Variants in PAPSS2 observed in about 807,000 individuals in gnomAD.
PAPSS2 encodes the protein 3'-phosphoadenosine 5'-phosphosulfate synthase 2.
In PAPSS2, 61 loss-of-function variants were observed where a neutral mutation model predicts 66.5. The observed-to-expected ratio is 0.92, with a 90% confidence interval of 0.75 to 1.14. The LOEUF (loss-of-function observed/expected upper bound fraction) is 1.14, where lower values mean the gene tolerates loss of function less well. Among genes scored for constraint, PAPSS2 ranks in the 50% most tolerant of loss-of-function variants. The pLI is 0.00. For synonymous variants in PAPSS2, 289 were observed against 287.5 expected (o/e 1.01, Z -0.05); for missense variants, 708 against 789.6 (o/e 0.90, Z 1.24).
intron 1 of PAPSS2, among the ~76,000 whole-genome samples, chr10:87,679,196 G>A (rs755163063): frequency 1.3e-4 from 20 of 152,234 alleles, no homozygotes; most frequent in Admixed American, 4.6e-4. Context: ...CAAACATTGC[G>A]TGTTTTCACT....
chr10:87,730,684 A>G (rs761218727), intron 9 of PAPSS2, among the ~76,000 whole-genome samples: 1 of 152,132 alleles, frequency 6.6e-6, no homozygotes, highest in South Asian at 2.1e-4. Context: ...TTTGGGGTAA[A>G]ATATTTTGGT....
chr10:87,701,386 TTC>T (rs1853312001), intron 1 of PAPSS2, among the ~76,000 whole-genome samples: 2 of 65,276 alleles, frequency 3.1e-5, no homozygotes, highest in African/African-American at 1.6e-4. Context: ...CTTTCTTTCT[TTC>T]TTTCTTTCTC....
At chr10:87,665,596 C>T (rs539200528) in intron 1 of PAPSS2, among the ~76,000 whole-genome samples, 1 of 152,300 alleles carries the variant, frequency 6.6e-6, no homozygotes, top group Admixed American at 6.5e-5. Context: ...ATACAACTTC[C>T]CAGGGACCAC....
At chr10:87,678,925 G>C (rs536820373) in intron 1 of PAPSS2, among the ~76,000 whole-genome samples, 9 of 152,222 alleles carry the variant, frequency 5.9e-5, no homozygotes, top group South Asian at 2.1e-4. Flanking sequence ...GTTCCACTAC[G>C]GGTATCTATT....
chr10:87,745,176 C>T lies in PAPSS2; in HGVS notation c.1666C>T (p.Arg556Ter), dbSNP rs138386772. The T allele has an allele frequency of 1.1e-5, 17 of 1,614,042 alleles. No homozygotes were observed. The highest frequency in any genetic ancestry group is 5.3e-5 in the African/African-American group (4 of 75,046). The part of the protein sequence containing the change: ...GLTSVEIIPF[R>*]VAAYNKAKKA... ...CACCTCTGTGGAAATCATTCCATTC[C>T]GAGTGGCTGCCTACAACAAAGCCAA... The change falls in exon 12 of 13, where the codon CGA becomes TGA. Residue 556 changes from arginine to a stop codon, truncating the protein, a stop_gained. Coordinates refer to ENST00000456849, the MANE Select transcript of PAPSS2 (RefSeq NM_001015880.2). LOFTEE classifies it high-confidence loss of function.
At chr10:87,693,801 A>G (rs138415765) in intron 1 of PAPSS2, among the ~76,000 whole-genome samples, 1 of 152,228 alleles carries the variant, frequency 6.6e-6, no homozygotes, top group Non-Finnish European at 1.5e-5. Flanking sequence ...TTACAAATGC[A>G]TTTGTGAATG....
At chr10:87,724,851 T>TACACACACACACAC (rs58668772) in intron 8 of PAPSS2, among the ~76,000 whole-genome samples, 1,455 of 138,320 alleles carry the variant, frequency 0.011, 35 homozygotes, top group African/African-American at 0.035. Flanking sequence ...TCTCTGTCTA[T>TACACACACACACAC]ACACACACAC....
chr10:87,729,185 C>T (rs1371355520), intron 9 of PAPSS2, among the ~76,000 whole-genome samples: 1 of 151,776 alleles, frequency 6.6e-6, no homozygotes, highest in Non-Finnish European at 1.5e-5. Flanking sequence ...AGGCATACCT[C>T]ATTTTACTAT....
intron 9 of PAPSS2, among the ~76,000 whole-genome samples, chr10:87,732,343 G>A (rs892739598): frequency 6.6e-6 from 1 of 152,058 alleles, no homozygotes; most frequent in African/African-American, 2.4e-5. Context: ...GCAACATGGC[G>A]AAACCCTCTC....
chr10:87,723,128 A>C (rs1186400314), intron 8 of PAPSS2, among the ~76,000 whole-genome samples: 1 of 152,142 alleles, frequency 6.6e-6, no homozygotes, highest in Non-Finnish European at 1.5e-5. Context: ...CCTGCTCCAC[A>C]TTTTGCTTTG....
chr10:87,743,444 CGCAGGCTCCTAGA>C lies in PAPSS2; in HGVS notation c.1296_1308del (p.Arg433GlyfsTer24). 6.2e-7 allele frequency: 1 copy of C among 1,614,060 alleles called. No individual in the cohort carries two copies. Among genetic ancestry groups the C allele is most frequent in the Non-Finnish European group, 8.5e-7 (1 of 1,179,996 alleles). Reference sequence around the variant, plus strand: ...TGCCCTGTTGATGCAGGACACTCGCCGCAGGCTCCTAGAGAGGGGCTACAAGCACCCGGTCCTC... The same window carrying C: ...TGCCCTGTTGATGCAGGACACTCGCCGAGGGGCTACAAGCACCCGGTCCTC... On this transcript the variant is annotated frameshift_variant, in exon 11 of 13. Transcript: ENST00000456849. LOFTEE classifies it high-confidence loss of function.
At chr10:87,691,925 G>A (rs1415179188) in intron 1 of PAPSS2, among the ~76,000 whole-genome samples, 2 of 152,084 alleles carry the variant, frequency 1.3e-5, no homozygotes, top group African/African-American at 4.8e-5. Context: ...GTGTGACAGA[G>A]TAAGCAAGAC....
chr10:87,670,370 G>A (rs978659233), intron 1 of PAPSS2, among the ~76,000 whole-genome samples: 9 of 152,166 alleles, frequency 5.9e-5, no homozygotes, highest in South Asian at 2.1e-4. Flanking sequence ...GTTGTCAACC[G>A]ATCAATGAGG....
chr10:87,689,007 A>G (rs1853128310), intron 1 of PAPSS2, among the ~76,000 whole-genome samples: 1 of 152,064 alleles, frequency 6.6e-6, no homozygotes, highest in South Asian at 2.1e-4. Flanking sequence ...AACAAGTCAG[A>G]AACAACATTA....
chr10:87,711,127 C>T (rs975791330), intron 2 of PAPSS2, among the ~76,000 whole-genome samples: 4 of 152,132 alleles, frequency 2.6e-5, no homozygotes, highest in African/African-American at 9.7e-5. Context: ...ACTTTAAATC[C>T]ATAGACTCAG....
In PAPSS2 at chr10:87,744,859, TAGAACCTC is replaced by T. The variant is rs1403269336; in HGVS notation, c.1492-140_1492-133del. On this transcript the variant is annotated intron_variant, in intron 11 of 12. Transcript: ENST00000456849. ...AAAGCATGAAGAGTGCACGGAGTCT[TAGAACCTC>T]AGTGATTTTCTTGCAATTCTTAGTT... 3 of 729,274 alleles carry T rather than the reference TAGAACCTC, an allele frequency of 4.1e-6. No individual in the cohort carries two copies. The African/African-American group carries it at 5.2e-5, about 13-fold the overall frequency. 45.2% of individuals were successfully genotyped at this position (729,274 alleles called of 1,614,324 possible).
intron 6 of PAPSS2, 125 bp downstream of exon 6, chr10:87,715,223 C>T (rs140268465): frequency 4.8e-4 from 334 of 690,198 alleles, no homozygotes; most frequent in Admixed American, 2.3e-3. Context: ...ATAAAACACT[C>T]CTTTTTTTCC....
In PAPSS2 at chr10:87,673,419, TAAAGTGCTGGGG is replaced by T. The variant is rs1413804507; in HGVS notation, c.27+13413_27+13424del. ...AAGCGATCCTCCCACCTTGCCCTCCTAAAGTGCTGGGGATTGCAGGTGTGAGCCACTGTGCCA... is the reference window on the plus strand; with the variant it reads ...AAGCGATCCTCCCACCTTGCCCTCCTATTGCAGGTGTGAGCCACTGTGCCA... On this transcript the variant is annotated intron_variant, in intron 1 of 12. Transcript: ENST00000456849. Among the ~76,000 whole-genome samples the T allele has an allele frequency of 3.3e-5, 5 of 152,102 alleles. No homozygotes were observed. In the East Asian group the frequency reaches 9.7e-4, roughly 29 times the overall value.
chr10:87,665,497 C>T (rs1036649519), intron 1 of PAPSS2, among the ~76,000 whole-genome samples: 1 of 152,212 alleles, frequency 6.6e-6, no homozygotes, highest in Non-Finnish European at 1.5e-5. Flanking sequence ...AGGCGTGAGC[C>T]ACCGTGCCCG....
Sources: allele counts gnomAD v4.1 joint callset (sites outside exome capture counted in the v4.1 genomes callset), GRCh38; gene constraint gnomAD v4.1.1; transcripts MANE v1.5; gene names NCBI Gene and HGNC (gene_info 2026-07-23, HGNC 2026-07-21).